The following WASL variants were observed in gnomAD, a reference collection of about 807,000 sequenced individuals.
The protein encoded by WASL is actin nucleation-promoting factor WASL.
WASL carries 20 observed loss-of-function variants against 55.5 expected under a neutral mutation model. That is an observed-to-expected ratio of 0.36 (90% CI 0.25 to 0.52). The LOEUF (loss-of-function observed/expected upper bound fraction) is 0.52. WASL is among the 20% of genes least tolerant of loss of function. The probability of loss-of-function intolerance (pLI) is 0.92; values close to 1 mark genes in which losing one functional copy is unlikely to be tolerated. For synonymous variants in WASL, 249 were observed against 217.6 expected (o/e 1.14, Z -1.27); for missense variants, 504 against 622.5 (o/e 0.81, Z 2.03).
intron 1 of WASL, among the ~76,000 whole-genome samples, chr7:123,727,326 T>C (rs1309513903): frequency 6.9e-6 from 1 of 144,340 alleles, no homozygotes; most frequent in African/African-American, 2.6e-5. Context: ...TCCTGAGCTA[T>C]TTGCCCAAAA....
intron 1 of WASL, among the ~76,000 whole-genome samples, chr7:123,747,512 C>T (rs1804453238): frequency 6.6e-6 from 1 of 152,144 alleles, no homozygotes; most frequent in South Asian, 2.1e-4. Context: ...ATTGTCTAAT[C>T]CTAACTTCTT....
chr7:123,710,345 C>G (rs1313343155), intron 1 of WASL, among the ~76,000 whole-genome samples: 2 of 151,080 alleles, frequency 1.3e-5, no homozygotes, highest in Non-Finnish European at 3.0e-5. Flanking sequence ...ACTGAAATAA[C>G]CTAAAATAGG....
intron 10 of WASL, among the ~76,000 whole-genome samples, chr7:123,688,205 C>G (rs1222027216): frequency 6.6e-6 from 1 of 152,114 alleles, no homozygotes; most frequent in Non-Finnish European, 1.5e-5. Context: ...AGAATAGGTA[C>G]TGGTTTCTTC....
chr7:123,739,870 TTATA>T (rs1344013780), intron 1 of WASL, among the ~76,000 whole-genome samples: 3 of 124,008 alleles, frequency 2.4e-5, no homozygotes, highest in African/African-American at 9.2e-5. Flanking sequence ...TTTTATACAT[TTATA>T]TATGTGTGTG....
Position 123,684,018 on chromosome 7 carries a change from A to G in WASL, c.*501T>C, listed in dbSNP as rs1803244944. 6.6e-6 allele frequency: 1 copy of G among 152,028 alleles called. No homozygotes were observed. The highest frequency in any genetic ancestry group is 1.9e-4 in the East Asian group (1 of 5,202). The allele number at this position is 152,028 out of a possible 1,614,324, so 9.4% of individuals were successfully genotyped here. ...ACATCGGTGTAGTGATGTCTACAGA[A>G]CTGTGCAATGTATCAGCTTCAACAT... On this transcript the variant is annotated 3_prime_UTR_variant, in exon 11 of 11. Coordinates refer to ENST00000223023, the MANE Select transcript of WASL (RefSeq NM_003941.4).
At chr7:123,686,158 A>G (rs929704298) in intron 10 of WASL, among the ~76,000 whole-genome samples, 1 of 151,634 alleles carries the variant, frequency 6.6e-6, no homozygotes, top group Non-Finnish European at 1.5e-5. Context: ...ATCTTCTCTT[A>G]GCCCTAAACT....
chr7:123,724,116 G>T (rs1015732779), intron 1 of WASL, among the ~76,000 whole-genome samples: 1 of 152,120 alleles, frequency 6.6e-6, no homozygotes, highest in African/African-American at 2.4e-5. Context: ...TTTCGTAAGT[G>T]CTTGCCAGTT....
At chr7:123,718,156 G>T (rs1803876213) in intron 1 of WASL, among the ~76,000 whole-genome samples, 1 of 152,152 alleles carries the variant, frequency 6.6e-6, no homozygotes, top group Non-Finnish European at 1.5e-5. Context: ...ATTTTGTGAA[G>T]TTTATGGCAT....
At chr7:123,745,154 C>T (rs543811740) in intron 1 of WASL, among the ~76,000 whole-genome samples, 1 of 152,174 alleles carries the variant, frequency 6.6e-6, no homozygotes, top group African/African-American at 2.4e-5. Flanking sequence ...CTTCCCTCAC[C>T]TTCTATATAT....
At chr7:123,747,559 A>G (rs1007305490) in intron 1 of WASL, among the ~76,000 whole-genome samples, 1 of 152,202 alleles carries the variant, frequency 6.6e-6, no homozygotes, top group Admixed American at 6.5e-5. Context: ...CATACCTAAT[A>G]TTACTTAAAG....
intron 1 of WASL, among the ~76,000 whole-genome samples, chr7:123,720,597 G>C (rs1048024450): frequency 2.6e-5 from 4 of 151,762 alleles, no homozygotes; most frequent in Admixed American, 6.6e-5. Flanking sequence ...AAATGACTAG[G>C]CAAATGAAGG....
rs968093153 is a variant in WASL at position 123,748,859 on chromosome 7, T to G, written c.-125A>C. On this transcript the variant is annotated 5_prime_UTR_variant, in exon 1 of 11. Coordinates refer to ENST00000223023, the MANE Select transcript of WASL (RefSeq NM_003941.4). ...CAGAGGCGCCACATCTCGCAGCTCCTCCGGAGCGGGGAGGAGGACGAGGTC... is the reference window on the plus strand; with the variant it reads ...CAGAGGCGCCACATCTCGCAGCTCCGCCGGAGCGGGGAGGAGGACGAGGTC... 6.6e-6 allele frequency: 5 copies of G among 756,550 alleles called. No individual in the cohort carries two copies. The highest frequency in any genetic ancestry group is 8.1e-6 in the Non-Finnish European group (4 of 494,506). The allele number at this position is 756,550 out of a possible 1,614,324, so 46.9% of individuals were successfully genotyped here. A position where few individuals can be genotyped will look rare whatever the true frequency, so the allele number is the denominator to read the frequency against.
At chr7:123,706,406 A>C in intron 3 of WASL, 33 bp from the exon 4 acceptor site, 1 of 1,570,058 alleles carries the variant, frequency 6.4e-7, no homozygotes, top group South Asian at 1.1e-5. Flanking sequence ...GGGAAACAAC[A>C]GAATGTATGA....
chr7:123,742,560 T>C (rs1248886919), intron 1 of WASL, among the ~76,000 whole-genome samples: 2 of 152,184 alleles, frequency 1.3e-5, no homozygotes, highest in Admixed American at 6.5e-5. Flanking sequence ...ATATCACTAA[T>C]ACAATTTCAT....
intron 1 of WASL, among the ~76,000 whole-genome samples, chr7:123,741,824 GC>G (rs1247672764): frequency 2.0e-5 from 3 of 152,124 alleles, no homozygotes; most frequent in Admixed American, 6.5e-5. Context: ...TTGCTCAGCA[GC>G]AAAACAAATA....
chr7:123,706,521 CTT>C (rs758400970), intron 3 of WASL, 148 bp from the exon 4 acceptor site: 62 of 882,322 alleles, frequency 7.0e-5, no homozygotes, highest in Non-Finnish European at 1.0e-4. Flanking sequence ...ATCTGAATAA[CTT>C]AACACAAAAG....
chr7:123,715,008 C>G (rs1164878887), intron 1 of WASL, among the ~76,000 whole-genome samples: 2 of 152,058 alleles, frequency 1.3e-5, no homozygotes, highest in Admixed American at 1.3e-4. Context: ...AGAAGAGTGG[C>G]ATGGATTGAA....
intron 6 of WASL, among the ~76,000 whole-genome samples, chr7:123,696,221 A>C (rs922458036): frequency 6.6e-6 from 1 of 152,088 alleles, no homozygotes; most frequent in Non-Finnish European, 1.5e-5. Context: ...TATGTTAAAT[A>C]CCAAAGGTTT....
intron 5 of WASL, among the ~76,000 whole-genome samples, chr7:123,698,022 T>C (rs548487850): frequency 3.9e-4 from 59 of 152,190 alleles, no homozygotes; most frequent in African/African-American, 1.3e-3. Flanking sequence ...AACCTCTGTG[T>C]TCTCCACTGG....
Sources: allele counts gnomAD v4.1 joint callset (sites outside exome capture counted in the v4.1 genomes callset), GRCh38; gene constraint gnomAD v4.1.1; transcripts MANE v1.5; gene names NCBI Gene and HGNC (gene_info 2026-07-23, HGNC 2026-07-21).